REL: variants seen among roughly 807,000 people sequenced by gnomAD.
REL encodes the protein proto-oncogene c-Rel.
REL carries 15 observed loss-of-function variants against 45.9 expected under a neutral mutation model. The ratio of observed to expected loss-of-function variants is 0.33; its 90% CI spans 0.22 to 0.50. The LOEUF is 0.50. REL is among the 20% of genes least tolerant of loss of function. REL has a pLI of 0.98. For missense variants in REL, 601 were observed against 715.2 expected, an observed-to-expected ratio of 0.84 and a Z score of 1.82; for synonymous variants, 239 against 242.1, an observed-to-expected ratio of 0.99 and a Z score of 0.12.
chr2:60,882,373 T>C (rs1475730014), intron 1 of REL, among the ~76,000 whole-genome samples: 1 of 152,150 alleles, frequency 6.6e-6, no homozygotes, highest in African/African-American at 2.4e-5. Context: ...TAAGTGTTAA[T>C]GTTGCTTCGA....
chr2:60,914,866 C>T (rs1177221318), intron 4 of REL, among the ~76,000 whole-genome samples: 2 of 138,268 alleles, frequency 1.4e-5, no homozygotes, highest in African/African-American at 2.7e-5. Context: ...TGGAGTCTTG[C>T]TCTGTCGCCC....
rs185029750 is a variant in REL at position 60,883,834 on chromosome 2, G to A, written c.10+1984G>A. Among the ~76,000 whole-genome samples the A allele has an allele frequency of 1.6e-4, 24 of 149,768 alleles. No individual in the cohort carries two copies. In the East Asian group the frequency reaches 4.6e-3, roughly 29 times the overall value. ...AAGTTTTAAAGGTTTAGAAGTTGAAGGGTGATTAACTTTTTTTTTTTTTTT... is the reference window on the plus strand; with the variant it reads ...AAGTTTTAAAGGTTTAGAAGTTGAAAGGTGATTAACTTTTTTTTTTTTTTT... On this transcript the variant is annotated intron_variant, in intron 1 of 9. Coordinates refer to ENST00000394479, the MANE Select transcript of REL (RefSeq NM_001291746.2).
At chr2:60,920,324 C>T in intron 8 of REL, 1 of 616,710 alleles carries the variant, frequency 1.6e-6, no homozygotes. Flanking sequence ...CCTCAGCCTC[C>T]CGGGTAGCTG....
intron 4 of REL, among the ~76,000 whole-genome samples, chr2:60,904,707 G>A (rs977425918): frequency 3.3e-5 from 5 of 151,964 alleles, no homozygotes; most frequent in Non-Finnish European, 7.4e-5. Flanking sequence ...TGGGCAACAT[G>A]GTAAAACCCC....
rs562417310 is a variant in REL, at chr2:60,887,834, TCAA to T, written c.11-3844_11-3842del. On this transcript the variant is annotated intron_variant, in intron 1 of 9. Transcript: ENST00000394479. ...TACTATTTAAAAATATTTAATCTTT[TCAA>T]CAACTACTTTTCTGTTCTTTTTGTA... Among the ~76,000 whole-genome samples, 56 of 152,040 alleles carry T rather than the reference TCAA, an allele frequency of 3.7e-4. 1 individual carries two copies. In the South Asian group the frequency reaches 0.01, roughly 28 times the overall value.
intron 1 of REL, 99 bp downstream of exon 1, chr2:60,881,949 C>A: frequency 3.9e-6 from 3 of 764,458 alleles, no homozygotes; most frequent in African/African-American, 1.8e-5. Flanking sequence ...TTTGCTGGGG[C>A]GCGTTCTGTC....
Position 60,922,712 on chromosome 2 carries a change from T to C in REL, c.*177T>C. 2 of 1,242,164 alleles carry C rather than the reference T, an allele frequency of 1.6e-6. No homozygotes were observed. Among genetic ancestry groups the C allele is most frequent in the Non-Finnish European group, 2.0e-6 (2 of 992,238 alleles). 76.9% of individuals were successfully genotyped at this position (1,242,164 alleles called of 1,614,324 possible). A position where few individuals can be genotyped will look rare whatever the true frequency, so the allele number is the denominator to read the frequency against. The stretch of plus-strand genomic sequence containing the variant: ...TTTTCAGGGAAGAAGCATACAACTT[T>C]GGACATAGCGAATACAAAATTGGAA... On this transcript the variant is annotated 3_prime_UTR_variant, in exon 10 of 10. Coordinates refer to ENST00000394479, the MANE Select transcript of REL (RefSeq NM_001291746.2).
At chr2:60,882,421 T>A (rs981722845) in intron 1 of REL, among the ~76,000 whole-genome samples, 13 of 152,124 alleles carry the variant, frequency 8.5e-5, no homozygotes, top group African/African-American at 2.9e-4. Flanking sequence ...ATGCCTGTAT[T>A]CCCAGCACTT....
At chr2:60,917,734 ATAGACT>A (rs1674022525) in intron 5 of REL, among the ~76,000 whole-genome samples, 1 of 150,270 alleles carries the variant, frequency 6.7e-6, no homozygotes, top group African/African-American at 2.5e-5. Context: ...GTGTGTGTAC[ATAGACT>A]TAGATATACG....
At chr2:60,903,943 A>T (rs1221773487) in intron 4 of REL, among the ~76,000 whole-genome samples, 1 of 152,182 alleles carries the variant, frequency 6.6e-6, no homozygotes, top group East Asian at 1.9e-4. Context: ...CTGGGATTAC[A>T]GGTGTGAGCC....
chr2:60,903,965 C>T (rs1173839071), intron 4 of REL, among the ~76,000 whole-genome samples: 1 of 152,110 alleles, frequency 6.6e-6, no homozygotes. Flanking sequence ...CTGGGCCCGA[C>T]TCAGGCATGA....
chr2:60,920,998 GCTT>G (rs2103987102), intron 9 of REL, among the ~76,000 whole-genome samples: 1 of 151,268 alleles, frequency 6.6e-6, no homozygotes, highest in African/African-American at 2.4e-5. Context: ...TCTCTAAACT[GCTT>G]TTTTTTTTTA....
chr2:60,904,891 A>C (rs1231803092), intron 4 of REL, among the ~76,000 whole-genome samples: 2 of 152,120 alleles, frequency 1.3e-5, no homozygotes, highest in Non-Finnish European at 2.9e-5. Context: ...CCCCGTCTCT[A>C]AGTAAAGAAA....
intron 3 of REL, 106 bp downstream of exon 3, chr2:60,894,651 C>A: frequency 3.4e-6 from 3 of 871,674 alleles, no homozygotes; most frequent in South Asian, 2.8e-5. Context: ...TTTTCTCATT[C>A]TACTTCTATT....
Position 60,928,216 on chromosome 2 carries a change from A to T in REL, c.*5681A>T, listed in dbSNP as rs974064923. On this transcript the variant is annotated 3_prime_UTR_variant, in exon 10 of 10. Coordinates refer to ENST00000394479, the MANE Select transcript of REL (RefSeq NM_001291746.2). Reference sequence around the variant, plus strand: ...AGAACATTCCATGCTCATGGGTAGGAAGAATCAATATCGTGAAAATGGCCA... The same window carrying T: ...AGAACATTCCATGCTCATGGGTAGGTAGAATCAATATCGTGAAAATGGCCA... 2 of 167,756 alleles carry T rather than the reference A, an allele frequency of 1.2e-5. No individual in the cohort carries two copies. The highest frequency in any genetic ancestry group is 2.6e-5 in the Non-Finnish European group (2 of 76,982). The allele number at this position is 167,756 out of a possible 1,614,324, so 10.4% of individuals were successfully genotyped here. A position where few individuals can be genotyped will look rare whatever the true frequency, so the allele number is the denominator to read the frequency against.
Position 60,927,969 on chromosome 2 carries a change from G to A in REL, c.*5434G>A, listed in dbSNP as rs543350243. The A allele has an allele frequency of 1.9e-5, 4 of 212,616 alleles. No homozygotes were observed. The highest frequency in any genetic ancestry group is 2.9e-5 in the Non-Finnish European group (3 of 105,148). 13.2% of individuals were successfully genotyped at this position (212,616 alleles called of 1,614,324 possible). Reference sequence around the variant, plus strand: ...GAACAGAAACAGCTGGGTTGTCAACGTCTAACCTAATACTTCAGGAAAACT... The same window carrying A: ...GAACAGAAACAGCTGGGTTGTCAACATCTAACCTAATACTTCAGGAAAACT... On this transcript the variant is annotated 3_prime_UTR_variant, in exon 10 of 10. Transcript: ENST00000394479.
rs1219543014 is a variant in REL at position 60,928,986 on chromosome 2, CA to C, written c.*6453del. 1.3e-5 allele frequency: 2 copies of C among 149,118 alleles called. No homozygotes were observed. Among genetic ancestry groups the C allele is most frequent in the African/African-American group, 4.9e-5 (2 of 41,102 alleles). The allele number at this position is 149,118 out of a possible 1,614,324, so 9.2% of individuals were successfully genotyped here. ...CTCAAACAAATTTACAAGAAAAAAA[CA>C]ACCCCATCAAAAAGTGGGCGAAGGA... On this transcript the variant is annotated 3_prime_UTR_variant, in exon 10 of 10. Coordinates refer to ENST00000394479, the MANE Select transcript of REL (RefSeq NM_001291746.2).
At chr2:60,908,401 C>T (rs945429545) in intron 4 of REL, among the ~76,000 whole-genome samples, 1 of 152,148 alleles carries the variant, frequency 6.6e-6, no homozygotes, top group Non-Finnish European at 1.5e-5. Context: ...AAGAAACAGT[C>T]TCTAGCAAAC....
intron 4 of REL, among the ~76,000 whole-genome samples, chr2:60,914,827 G>GTT (rs1416967378): frequency 1.7e-4 from 22 of 130,410 alleles, no homozygotes; most frequent in African/African-American, 5.8e-4. Context: ...CCCATAGCTT[G>GTT]TTTTTTTGTT....
Sources: allele counts gnomAD v4.1 joint callset (sites outside exome capture counted in the v4.1 genomes callset), GRCh38; gene constraint gnomAD v4.1.1; transcripts MANE v1.5; gene names NCBI Gene and HGNC (gene_info 2026-07-23, HGNC 2026-07-21).